Variants in JAKMIP2 observed in about 807,000 individuals in gnomAD.
JAKMIP2 encodes the protein janus kinase and microtubule-interacting protein 2.
JAKMIP2 carries 25 observed loss-of-function variants against 115.0 expected under a neutral mutation model. The observed-to-expected ratio is 0.22, with a 90% CI of 0.16 to 0.30. The LOEUF is 0.30. Ranked by LOEUF, JAKMIP2 falls within the 10% of genes least tolerant of loss-of-function variation. JAKMIP2 has a pLI of 1.00. For synonymous variants in JAKMIP2, 334 were observed against 343.6 expected (o/e 0.97, Z 0.31); for missense variants, 642 against 957.6 (o/e 0.67, Z 4.35).
intron 1 of JAKMIP2, among the ~76,000 whole-genome samples, chr5:147,682,545 C>T (rs575193043): frequency 6.6e-6 from 1 of 152,232 alleles, no homozygotes; most frequent in South Asian, 2.1e-4. Flanking sequence ...GTGACTGAGT[C>T]CCAGTTAAGA....
At chr5:147,681,648 AGG>A (rs762054358) in intron 1 of JAKMIP2, among the ~76,000 whole-genome samples, 7 of 152,142 alleles carry the variant, frequency 4.6e-5, no homozygotes, top group Non-Finnish European at 1.0e-4. Flanking sequence ...TGCCCACCCT[AGG>A]GGAGGAATCA....
intron 1 of JAKMIP2, among the ~76,000 whole-genome samples, chr5:147,780,356 CA>C (rs1363802186): frequency 1.3e-5 from 2 of 152,058 alleles, no homozygotes; most frequent in Non-Finnish European, 2.9e-5. Context: ...AAACCACCTC[CA>C]AATGAAAACT....
Position 147,661,016 on chromosome 5 carries a change from C to G in JAKMIP2, c.559G>C (p.Glu187Gln). The change falls in exon 3 of 22, where the codon GAG becomes CAG. Residue 187 changes from glutamate (E) to glutamine (Q), a missense_variant. Coordinates refer to ENST00000616793, the MANE Select transcript of JAKMIP2 (RefSeq NM_001270941.2). Reference protein sequence around the residue: ...DKIKAGDLRSEHQSHQEAISK... With the variant: ...DKIKAGDLRSQHQSHQEAISK... ...ATGGCTTCTTGGTGGGACTGATGCTCACTCCGAAGGTCCCCAGCCTTGATT... is the reference window on the plus strand; with the variant it reads ...ATGGCTTCTTGGTGGGACTGATGCTGACTCCGAAGGTCCCCAGCCTTGATT... 3 of 1,614,058 alleles carry G rather than the reference C, an allele frequency of 1.9e-6. No individual in the cohort carries two copies. The highest frequency in any genetic ancestry group is 2.5e-6 in the Non-Finnish European group (3 of 1,180,026).
intron 1 of JAKMIP2, among the ~76,000 whole-genome samples, chr5:147,753,324 G>C (rs768731212): frequency 1.3e-5 from 2 of 152,180 alleles, no homozygotes; most frequent in Non-Finnish European, 2.9e-5. Context: ...CAAGCTAGTT[G>C]CTGCTATATT....
At chr5:147,742,932 G>T (rs1229148725) in intron 1 of JAKMIP2, among the ~76,000 whole-genome samples, 3 of 152,130 alleles carry the variant, frequency 2.0e-5, no homozygotes, top group Admixed American at 1.3e-4. Context: ...TTGATTTACA[G>T]CATTGGAAAC....
chr5:147,605,161 T>A (rs563798292), intron 20 of JAKMIP2, among the ~76,000 whole-genome samples: 5 of 151,914 alleles, frequency 3.3e-5, no homozygotes, highest in African/African-American at 1.2e-4. Flanking sequence ...AAACTCATCG[T>A]TTTTTATGGT....
intron 2 of JAKMIP2, among the ~76,000 whole-genome samples, chr5:147,668,099 T>C (rs1398851078): frequency 6.6e-6 from 1 of 152,148 alleles, no homozygotes; most frequent in Non-Finnish European, 1.5e-5. Context: ...TGAGGCTCGA[T>C]GTGAAAATGC....
intron 1 of JAKMIP2, among the ~76,000 whole-genome samples, chr5:147,752,265 G>A (rs530756826): frequency 1.3e-5 from 2 of 152,288 alleles, no homozygotes; most frequent in South Asian, 4.1e-4. Context: ...AGTATGGAGT[G>A]CCTGGGGCCA....
rs1454132607 is a variant in JAKMIP2, at chr5:147,677,197, A to G, written c.-148-5243T>C. Among the ~76,000 whole-genome samples, 6 of 152,312 alleles carry G rather than the reference A, an allele frequency of 3.9e-5. No individual in the cohort carries two copies. The East Asian group carries it at 1.2e-3, about 29-fold the overall frequency. Reference sequence around the variant, plus strand: ...ACCTATGACACTGGATTGCTTGGCAATTAAACAAACGGATGTAAGTGATGC... The same window carrying G: ...ACCTATGACACTGGATTGCTTGGCAGTTAAACAAACGGATGTAAGTGATGC... On this transcript the variant is annotated intron_variant, in intron 1 of 21. Transcript: ENST00000616793.
At chr5:147,735,082 T>C (rs933328047) in intron 1 of JAKMIP2, among the ~76,000 whole-genome samples, 1 of 152,162 alleles carries the variant, frequency 6.6e-6, no homozygotes, top group Admixed American at 6.5e-5. Flanking sequence ...ATATGCTGGG[T>C]CAGATCTCTG....
chr5:147,738,134 A>T (rs1023735094), intron 1 of JAKMIP2, among the ~76,000 whole-genome samples: 1 of 152,342 alleles, frequency 6.6e-6, no homozygotes, highest in East Asian at 1.9e-4. Context: ...AATCTTGTGT[A>T]CACAGCACGA....
At chr5:147,713,971 T>A (rs1465096027) in intron 1 of JAKMIP2, among the ~76,000 whole-genome samples, 1 of 152,182 alleles carries the variant, frequency 6.6e-6, no homozygotes, top group Non-Finnish European at 1.5e-5. Context: ...TAGATTAAAG[T>A]AATTCCAGAT....
intron 1 of JAKMIP2, among the ~76,000 whole-genome samples, chr5:147,702,653 A>AG (rs1491311470): frequency 8.1e-6 from 1 of 124,074 alleles, no homozygotes; most frequent in East Asian, 2.6e-4. Flanking sequence ...AGAAAGAAAG[A>AG]AAGAAAGAAA....
intron 20 of JAKMIP2, among the ~76,000 whole-genome samples, chr5:147,611,109 G>A (rs1756294505): frequency 6.6e-6 from 1 of 152,194 alleles, no homozygotes; most frequent in Non-Finnish European, 1.5e-5. Flanking sequence ...GTGGGTCTTA[G>A]CTTGCTGGGA....
rs189136999 is a variant in JAKMIP2, at chr5:147,767,206, A to G, written c.-149+15250T>C. 1.6e-3 allele frequency among the ~76,000 whole-genome samples: 241 copies of G among 152,290 alleles called. 2 individuals are homozygous for G. The highest frequency in any genetic ancestry group is 5.6e-3 in the African/African-American group (233 of 41,578). Reference sequence around the variant, plus strand: ...TGCACACGCGTGCACGCACACACACATATACACAGAGTGAAAGAGAAAAAT... The same window carrying G: ...TGCACACGCGTGCACGCACACACACGTATACACAGAGTGAAAGAGAAAAAT... On this transcript the variant is annotated intron_variant, in intron 1 of 21. Coordinates refer to ENST00000616793, the MANE Select transcript of JAKMIP2 (RefSeq NM_001270941.2).
At chr5:147,671,030 T>C (rs895212049) in intron 2 of JAKMIP2, among the ~76,000 whole-genome samples, 2 of 152,142 alleles carry the variant, frequency 1.3e-5, no homozygotes, top group Admixed American at 6.5e-5. Context: ...AGATGCTTGA[T>C]GGTTGAGCAG....
chr5:147,620,571 T>C, intron 18 of JAKMIP2, 95 bp downstream of exon 18: 1 of 807,770 alleles, frequency 1.2e-6, no homozygotes, highest in Non-Finnish European at 2.1e-6. Context: ...TCGTGATCTA[T>C]TCAAGTACAT....
chr5:147,776,137 C>A (rs1755545535), intron 1 of JAKMIP2, among the ~76,000 whole-genome samples: 1 of 152,022 alleles, frequency 6.6e-6, no homozygotes, highest in Non-Finnish European at 1.5e-5. Context: ...TACATGAATT[C>A]ATTATGAAAT....
At chr5:147,609,894 T>G (rs1756223961) in intron 20 of JAKMIP2, among the ~76,000 whole-genome samples, 1 of 152,194 alleles carries the variant, frequency 6.6e-6, no homozygotes, top group Non-Finnish European at 1.5e-5. Context: ...TTTTCATTCT[T>G]TTTTCTCTAA....
Sources: allele counts gnomAD v4.1 joint callset (sites outside exome capture counted in the v4.1 genomes callset), GRCh38; gene constraint gnomAD v4.1.1; transcripts MANE v1.5; gene names NCBI Gene and HGNC (gene_info 2026-07-23, HGNC 2026-07-21).